The following PSMA8 variants were observed in gnomAD, a reference collection of about 807,000 sequenced individuals.
PSMA8 encodes proteasome 20S subunit alpha 8, also known as proteasome subunit alpha-type 8.
PSMA8 carries 18 observed loss-of-function variants against 32.4 expected under a neutral mutation model. That is an observed-to-expected ratio of 0.56 (90% CI 0.38 to 0.82). The LOEUF (loss-of-function observed/expected upper bound fraction) is 0.82. PSMA8 is among the 40% of genes least tolerant of loss of function. The pLI is 0.00. For missense variants in PSMA8, 298 were observed against 300.7 expected (o/e 0.99, Z 0.07); for synonymous variants, 104 against 98.1 (o/e 1.06, Z -0.36).
At chr18:26,188,813 T>C (rs1012747037) in intron 6 of PSMA8, among the ~76,000 whole-genome samples, 31 of 152,006 alleles carry the variant, frequency 2.0e-4, no homozygotes, top group African/African-American at 7.2e-4. Context: ...TAAACCCCTA[T>C]CTCTCACCAT....
intron 6 of PSMA8, among the ~76,000 whole-genome samples, chr18:26,185,908 A>G (rs1324021428): frequency 6.7e-6 from 1 of 150,370 alleles, no homozygotes; most frequent in East Asian, 2.0e-4. Flanking sequence ...CTCAATTTTG[A>G]TAAATCTTTG....
intron 1 of PSMA8, 126 bp from the exon 2 acceptor site, chr18:26,144,433 G>A (rs1294484738): frequency 4.0e-6 from 3 of 752,658 alleles, no homozygotes; most frequent in Non-Finnish European, 6.4e-6. Flanking sequence ...TTTCTAGAAA[G>A]TTACTTTTCT....
At chr18:26,188,040 A>C (rs2055370617) in intron 6 of PSMA8, among the ~76,000 whole-genome samples, 1 of 152,166 alleles carries the variant, frequency 6.6e-6, no homozygotes, top group African/African-American at 2.4e-5. Flanking sequence ...TAGGTCACAA[A>C]ATAAGCCTTA....
chr18:26,190,953 T>C (rs1405625756), intron 6 of PSMA8, among the ~76,000 whole-genome samples: 1 of 152,238 alleles, frequency 6.6e-6, no homozygotes, highest in Non-Finnish European at 1.5e-5. Context: ...TAGTAATTGC[T>C]TGATGGGTAA....
intron 6 of PSMA8, among the ~76,000 whole-genome samples, chr18:26,183,347 G>A (rs1224039340): frequency 1.3e-5 from 2 of 149,884 alleles, no homozygotes; most frequent in Admixed American, 6.6e-5. Flanking sequence ...AGCCAAGATC[G>A]CACCATTGCA....
chr18:26,157,865 G>A (rs1032865427), intron 3 of PSMA8, among the ~76,000 whole-genome samples: 25 of 152,066 alleles, frequency 1.6e-4, no homozygotes, highest in Admixed American at 4.6e-4. Flanking sequence ...GTTACCAAAC[G>A]TATACAAAGC....
chr18:26,186,404 G>A (rs918223204), intron 6 of PSMA8, among the ~76,000 whole-genome samples: 1 of 151,780 alleles, frequency 6.6e-6, no homozygotes, highest in African/African-American at 2.4e-5. Context: ...ATATGGTTAT[G>A]ATGAGTACTG....
intron 6 of PSMA8, among the ~76,000 whole-genome samples, chr18:26,183,600 T>C (rs1385423126): frequency 1.3e-5 from 2 of 150,692 alleles, no homozygotes; most frequent in Non-Finnish European, 3.0e-5. Flanking sequence ...ATAAAACAGA[T>C]GATGAGTTGC....
At chr18:26,157,466 C>T (rs533511642) in intron 3 of PSMA8, among the ~76,000 whole-genome samples, 1 of 152,112 alleles carries the variant, frequency 6.6e-6, no homozygotes, top group South Asian at 2.1e-4. Flanking sequence ...GCACGAGTCT[C>T]AGTGTGAATT....
chr18:26,140,425 A>AC (rs1432231386), intron 1 of PSMA8, among the ~76,000 whole-genome samples: 3 of 152,238 alleles, frequency 2.0e-5, no homozygotes, highest in African/African-American at 7.2e-5. Context: ...GCCTTGAAGG[A>AC]CAGGTGATGT....
intron 4 of PSMA8, among the ~76,000 whole-genome samples, chr18:26,175,111 G>T (rs1408470352): frequency 2.6e-5 from 4 of 152,160 alleles, no homozygotes; most frequent in Non-Finnish European, 5.9e-5. Context: ...TGGAAATTGT[G>T]ATTTATTTAT....
chr18:26,178,489 C>T (rs1174418006), intron 4 of PSMA8, among the ~76,000 whole-genome samples: 1 of 152,048 alleles, frequency 6.6e-6, no homozygotes, highest in Non-Finnish European at 1.5e-5. Flanking sequence ...GTCCCAGCTA[C>T]TCAGGAGGTT....
intron 6 of PSMA8, among the ~76,000 whole-genome samples, chr18:26,191,960 C>G (rs188034723): frequency 6.6e-6 from 1 of 152,218 alleles, no homozygotes; most frequent in African/African-American, 2.4e-5. Flanking sequence ...ATCAGAGAAT[C>G]ACACAGTAGG....
At chr18:26,135,270 C>T (rs1035830133) in intron 1 of PSMA8, among the ~76,000 whole-genome samples, 1 of 152,116 alleles carries the variant, frequency 6.6e-6, no homozygotes, top group Non-Finnish European at 1.5e-5. Context: ...CCTATGAATT[C>T]AAAGGATCGG....
rs772422445 is a variant in PSMA8, at chr18:26,192,314, T to C, written c.661-5T>C. On this transcript the variant is annotated splice_region_variant and splice_polypyrimidine_tract_variant and intron_variant, in intron 6 of 6. Coordinates refer to ENST00000415576, the MANE Select transcript of PSMA8 (RefSeq NM_001025096.2). The stretch of plus-strand genomic sequence containing the variant: ...TTTGATCTTTAAATTTTTTTCTCTT[T>C]TCAGATGTTTAGTGCAAAAGAAGTT... 1 of 1,491,180 alleles carries C rather than the reference T, an allele frequency of 6.7e-7. No homozygotes were observed. Among genetic ancestry groups the C allele is most frequent in the South Asian group, 1.5e-5 (1 of 68,622 alleles). The allele number at this position is 1,491,180 out of a possible 1,614,324, so 92.4% of individuals were successfully genotyped here.
chr18:26,192,169 C>A, intron 6 of PSMA8, 150 bp from the exon 7 acceptor site: 1 of 675,496 alleles, frequency 1.5e-6, no homozygotes, highest in South Asian at 3.8e-5. Flanking sequence ...TCTTAGACCT[C>A]TTGAAATGCT....
intron 4 of PSMA8, among the ~76,000 whole-genome samples, chr18:26,176,798 T>G (rs2055267118): frequency 6.6e-6 from 1 of 152,082 alleles, no homozygotes; most frequent in African/African-American, 2.4e-5. Flanking sequence ...CTGGGCATGG[T>G]GGCAGACACC....
chr18:26,165,274 C>T (rs1379018490), intron 4 of PSMA8, among the ~76,000 whole-genome samples: 1 of 152,190 alleles, frequency 6.6e-6, no homozygotes, highest in Non-Finnish European at 1.5e-5. Flanking sequence ...ATGACATCTG[C>T]AACTTCAGCA....
intron 6 of PSMA8, among the ~76,000 whole-genome samples, chr18:26,189,105 A>G (rs1020320782): frequency 6.6e-6 from 1 of 152,202 alleles, no homozygotes; most frequent in African/African-American, 2.4e-5. Context: ...CAAGGGTTTA[A>G]TAACCAGAAT....
Sources: gnomAD v4.1 joint callset for allele counts (sites outside exome capture counted in the v4.1 genomes callset) on GRCh38, gnomAD v4.1.1 for gene constraint, MANE v1.5 for transcripts, NCBI Gene and HGNC (gene_info 2026-07-23, HGNC 2026-07-21) for gene names.